The following PSD3 variants were observed in gnomAD, a reference collection of about 807,000 sequenced individuals.
PSD3 encodes PH and SEC7 domain-containing protein 3.
In PSD3, 49 loss-of-function variants were observed where a neutral mutation model predicts 105.5. The ratio of observed to expected loss-of-function variants is 0.46; its 90% CI spans 0.37 to 0.59. The LOEUF (loss-of-function observed/expected upper bound fraction) is 0.59, where lower values mean the gene tolerates loss of function less well. Among genes scored for constraint, PSD3 ranks in the 20% least tolerant of loss-of-function variants. The probability of loss-of-function intolerance (pLI) is 0.00; values close to 1 mark genes in which losing one functional copy is unlikely to be tolerated. For synonymous variants in PSD3, 557 were observed against 457.8 expected (o/e 1.22, Z -2.77); for missense variants, 1,561 against 1,263.8 (o/e 1.24, Z -3.57).
At chr8:18,835,527 T>A (rs945891964) in intron 4 of PSD3, among the ~76,000 whole-genome samples, 3 of 152,180 alleles carry the variant, frequency 2.0e-5, no homozygotes, top group African/African-American at 7.2e-5. Flanking sequence ...GGAACTTACA[T>A]TTTAGAGGAC....
chr8:18,939,968 T>C (rs4921973), intron 1 of PSD3: 17,814 of 152,238 alleles, frequency 0.12, 1,292 homozygotes, highest in Middle Eastern at 0.16. Context: ...CACACGTGCA[T>C]GTGAGTGTGT....
chr8:18,946,881 C>T (rs191899174), intron 1 of PSD3, among the ~76,000 whole-genome samples: 12 of 149,682 alleles, frequency 8.0e-5, no homozygotes, highest in African/African-American at 2.2e-4. Context: ...CTCCAGCCTG[C>T]GCAACAGAGC....
At chr8:18,767,474 A>T (rs982173046) in intron 8 of PSD3, among the ~76,000 whole-genome samples, 1 of 152,176 alleles carries the variant, frequency 6.6e-6, no homozygotes, top group African/African-American at 2.4e-5. Flanking sequence ...GTGACCGGGC[A>T]CGGTGGCTCA....
chr8:19,013,743 G>T, upstream of PSD3: 1 of 454,668 alleles, frequency 2.2e-6, no homozygotes, highest in African/African-American at 2.1e-5. Flanking sequence ...GGAGGCTGGC[G>T]AGGCTGCGAG....
At chr8:18,538,320 A>G (rs1799948701) in intron 15 of PSD3, among the ~76,000 whole-genome samples, 1 of 152,244 alleles carries the variant, frequency 6.6e-6, no homozygotes. Flanking sequence ...AGGCCACATG[A>G]TAGTTTCATA....
At chr8:18,652,844 G>T (rs1487552742) in intron 10 of PSD3, among the ~76,000 whole-genome samples, 1 of 152,102 alleles carries the variant, frequency 6.6e-6, no homozygotes, top group East Asian at 1.9e-4. Context: ...AGATGTCAGT[G>T]TTCTCAGAAG....
chr8:18,739,880 T>C (rs951029209), intron 9 of PSD3, among the ~76,000 whole-genome samples: 1 of 152,184 alleles, frequency 6.6e-6, no homozygotes, highest in Non-Finnish European at 1.5e-5. Context: ...TTCTAATATT[T>C]GTAAAGAATA....
chr8:18,671,832 C>T (rs188339860), intron 9 of PSD3, among the ~76,000 whole-genome samples: 5 of 152,028 alleles, frequency 3.3e-5, no homozygotes, highest in South Asian at 2.1e-4. Context: ...GGGGTTTCAC[C>T]GTGTTAGCCA....
chr8:18,889,934 G>C (rs776903193), intron 2 of PSD3, among the ~76,000 whole-genome samples: 1 of 151,960 alleles, frequency 6.6e-6, no homozygotes, highest in Non-Finnish European at 1.5e-5. Context: ...ACAAACTATA[G>C]GTAATAAATT....
chr8:19,016,120 G>A (rs990295727), upstream of PSD3, among the ~76,000 whole-genome samples: 1 of 152,128 alleles, frequency 6.6e-6, no homozygotes, highest in Non-Finnish European at 1.5e-5. Context: ...TTAGGCTTTT[G>A]GAAATATTAA....
At position 18,549,003 on chromosome 8, in the gene PSD3, C is replaced by T. The variant is rs114695150; in HGVS notation, c.2928+7206G>A. 1.8e-3 allele frequency among the ~76,000 whole-genome samples: 279 copies of T among 152,234 alleles called. 1 individual carries two copies. The highest frequency in any genetic ancestry group is 6.4e-3 in the African/African-American group (266 of 41,526). Reference sequence around the variant, plus strand: ...GTTTAGCCTCTTAGGCAGCATCCTACACGTCTCAGGGAGCCAGACACTCAC... The same window carrying T: ...GTTTAGCCTCTTAGGCAGCATCCTATACGTCTCAGGGAGCCAGACACTCAC... On this transcript the variant is annotated intron_variant, in intron 15 of 15. Coordinates refer to ENST00000327040, the MANE Select transcript of PSD3 (RefSeq NM_015310.4).
At chr8:18,717,357 T>C (rs1802665832) in intron 9 of PSD3, among the ~76,000 whole-genome samples, 1 of 152,060 alleles carries the variant, frequency 6.6e-6, no homozygotes. Flanking sequence ...GAGTGAGGAG[T>C]TCTTGCTATA....
intron 14 of PSD3, among the ~76,000 whole-genome samples, chr8:18,570,634 C>A (rs1283107220): frequency 4.9e-4 from 71 of 144,262 alleles, no homozygotes; most frequent in Non-Finnish European, 8.2e-4. Context: ...AAGAAAAAAA[C>A]AAACAACCCC....
At chr8:18,583,157 T>C (rs563765308) in intron 12 of PSD3, among the ~76,000 whole-genome samples, 50 of 152,224 alleles carry the variant, frequency 3.3e-4, no homozygotes, top group African/African-American at 1.2e-3. Context: ...CAAATATAAA[T>C]GCTGTGCATG....
intron 4 of PSD3, among the ~76,000 whole-genome samples, chr8:18,851,633 G>A (rs1478552140): frequency 6.6e-6 from 1 of 152,246 alleles, no homozygotes; most frequent in Admixed American, 6.5e-5. Flanking sequence ...CAGCTGTGCA[G>A]GCGGTTCCCA....
intron 10 of PSD3, among the ~76,000 whole-genome samples, chr8:18,643,900 T>C (rs1185019260): frequency 6.6e-6 from 1 of 152,220 alleles, no homozygotes; most frequent in Non-Finnish European, 1.5e-5. Context: ...GGTTTATGGC[T>C]TGTATTTCCT....
chr8:18,799,592 T>C lies in PSD3; in HGVS notation c.2024-239A>G, dbSNP rs75959155. ...ACCTCTCTGGAGGACAGTTTGGTAG[T>C]AGATATGTAAAGCCTTCAAACAATG... On this transcript the variant is annotated intron_variant, in intron 7 of 15. Transcript: ENST00000327040. Among the ~76,000 whole-genome samples, 10 of 152,322 alleles carry C rather than the reference T, an allele frequency of 6.6e-5. No individual in the cohort carries two copies. The East Asian group carries it at 1.9e-3, about 29-fold the overall frequency.
chr8:18,730,809 T>C (rs1482537419), intron 9 of PSD3, among the ~76,000 whole-genome samples: 2 of 151,956 alleles, frequency 1.3e-5, no homozygotes, highest in East Asian at 1.9e-4. Context: ...ATTTAAGATA[T>C]AACTGAAAGA....
intron 1 of PSD3, among the ~76,000 whole-genome samples, chr8:19,070,998 C>G (rs1277512794): frequency 6.6e-6 from 1 of 151,962 alleles, no homozygotes; most frequent in Non-Finnish European, 1.5e-5. Flanking sequence ...GTCAGGATAA[C>G]TTACAAACTT....
Sources: gnomAD v4.1 joint callset for allele counts (sites outside exome capture counted in the v4.1 genomes callset) on GRCh38, gnomAD v4.1.1 for gene constraint, MANE v1.5 for transcripts, NCBI Gene and HGNC (gene_info 2026-07-23, HGNC 2026-07-21) for gene names.